IGLL5: variants seen among roughly 807,000 people sequenced by gnomAD.
The protein encoded by IGLL5 is immunoglobulin lambda-like polypeptide 5.
Under a neutral mutation model 20.9 loss-of-function variants are expected in IGLL5, and 30 were observed. That is an observed-to-expected ratio of 1.44 (90% CI 1.07 to 1.95). The LOEUF (loss-of-function observed/expected upper bound fraction) is 1.95. Among genes scored for constraint, IGLL5 ranks in the 30% most tolerant of loss-of-function variants. The pLI, the probability that IGLL5 is intolerant of heterozygous loss-of-function variation, is 0.00. For synonymous variants in IGLL5, 203 were observed against 117.3 expected (o/e 1.73, Z -4.72); for missense variants, 475 against 270.7 (o/e 1.75, Z -5.30).
At position 22,895,743 on chromosome 22, in the gene IGLL5, A is replaced by G. The variant is rs747851983; in HGVS notation, c.*49A>G. 6.3e-7 allele frequency: 1 copy of G among 1,578,550 alleles called. No homozygotes were observed. Among genetic ancestry groups the G allele is most frequent in the Non-Finnish European group, 8.7e-7 (1 of 1,148,538 alleles). On this transcript the variant is annotated 3_prime_UTR_variant, in exon 3 of 3. Coordinates refer to ENST00000526893, the MANE Select transcript of IGLL5 (RefSeq NM_001178126.2). ...CGGGAGCCTGGAGCTGCAGGATCCC[A>G]GGGGAGGGGTCTCTCTCCCCATCCC...
At chr22:22,888,672 G>C (rs545845316) in intron 1 of IGLL5, among the ~76,000 whole-genome samples, 2 of 151,284 alleles carry the variant, frequency 1.3e-5, no homozygotes, top group East Asian at 2.0e-4. Flanking sequence ...CCCAGTGAGG[G>C]CAGGGGCCAC....
chr22:22,889,445 G>C, intron 1 of IGLL5, among the ~76,000 whole-genome samples: 1 of 151,304 alleles, frequency 6.6e-6, no homozygotes, highest in East Asian at 2.0e-4. Flanking sequence ...TATCCTAAGG[G>C]TTGGTTGGGG....
chr22:22,889,057 G>C (rs1302104246), intron 1 of IGLL5, among the ~76,000 whole-genome samples: 1 of 151,396 alleles, frequency 6.6e-6, no homozygotes, highest in Admixed American at 6.6e-5. Flanking sequence ...TCCAGGACGA[G>C]TCCTTGGATG....
intron 2 of IGLL5, among the ~76,000 whole-genome samples, chr22:22,894,160 C>G (rs550825444): frequency 2.6e-5 from 4 of 151,516 alleles, no homozygotes; most frequent in South Asian, 2.1e-4. Context: ...CCAGTGACTC[C>G]TGGGGTCAAG....
At chr22:22,888,439 G>T (rs117426305) in intron 1 of IGLL5, among the ~76,000 whole-genome samples, 180 bp downstream of exon 1, 3 of 151,378 alleles carry the variant, frequency 2.0e-5, no homozygotes, top group South Asian at 2.1e-4. Context: ...TTGAATTACT[G>T]TTTTTAATAT....
intron 1 of IGLL5, among the ~76,000 whole-genome samples, chr22:22,890,420 C>T (rs1408498802): frequency 6.6e-6 from 1 of 150,454 alleles, no homozygotes; most frequent in Non-Finnish European, 1.5e-5. Context: ...CTATTATTGA[C>T]ACTTTCTGTA....
At chr22:22,889,494 T>C (rs2067725714) in intron 1 of IGLL5, among the ~76,000 whole-genome samples, 3 of 151,088 alleles carry the variant, frequency 2.0e-5, no homozygotes, top group East Asian at 2.0e-4. Flanking sequence ...ATAACAAGGG[T>C]GGTTAGCTCA....
At chr22:22,894,895 A>T (rs2066706374) in intron 2 of IGLL5, among the ~76,000 whole-genome samples, 1 of 151,230 alleles carries the variant, frequency 6.6e-6, no homozygotes, top group African/African-American at 2.4e-5. Flanking sequence ...CTCCAGTTCA[A>T]AGCAGGCTTG....
At chr22:22,888,893 T>A (rs1273737635) in intron 1 of IGLL5, among the ~76,000 whole-genome samples, 1 of 151,344 alleles carries the variant, frequency 6.6e-6, no homozygotes, top group Admixed American at 6.6e-5. Flanking sequence ...ATGCCCAGGC[T>A]GGTCTCACAG....
At chr22:22,888,372 G>C (rs561261832) in intron 1 of IGLL5, 113 bp downstream of exon 1, 1 of 927,600 alleles carries the variant, frequency 1.1e-6, no homozygotes, top group Non-Finnish European at 1.6e-6. Flanking sequence ...CCTAAGAGGG[G>C]CCTGGGCTGA....
chr22:22,891,829 A>G (rs542833738), intron 1 of IGLL5, among the ~76,000 whole-genome samples: 48 of 151,364 alleles, frequency 3.2e-4, no homozygotes, highest in African/African-American at 9.4e-4. Flanking sequence ...GAACCCTATT[A>G]ACTTTTCTAT....
At chr22:22,889,171 G>A (rs1431639147) in intron 1 of IGLL5, among the ~76,000 whole-genome samples, 2 of 151,198 alleles carry the variant, frequency 1.3e-5, no homozygotes, top group East Asian at 2.0e-4. Flanking sequence ...AGGAGAGGGG[G>A]TGATGGCCAA....
At chr22:22,894,718 C>T (rs1309320168) in intron 2 of IGLL5, among the ~76,000 whole-genome samples, 1 of 151,376 alleles carries the variant, frequency 6.6e-6, no homozygotes, top group Non-Finnish European at 1.5e-5. Flanking sequence ...GGGAGCAGCC[C>T]CAGGAACAGC....
intron 2 of IGLL5, among the ~76,000 whole-genome samples, chr22:22,894,992 G>A (rs2066714438): frequency 6.6e-6 from 1 of 151,496 alleles, no homozygotes; most frequent in South Asian, 2.1e-4. Context: ...GGTCCTGGAA[G>A]AATAAAGTGG....
chr22:22,889,448 G>C (rs566754728), intron 1 of IGLL5, among the ~76,000 whole-genome samples: 2 of 151,320 alleles, frequency 1.3e-5, no homozygotes, highest in East Asian at 2.0e-4. Flanking sequence ...CCTAAGGGTT[G>C]GTTGGGGGAA....
At chr22:22,894,419 G>A (rs1601626207) in intron 2 of IGLL5, among the ~76,000 whole-genome samples, 1 of 151,486 alleles carries the variant, frequency 6.6e-6, no homozygotes, top group African/African-American at 2.4e-5. Flanking sequence ...AGGGACGGGT[G>A]AGACTGGGTG....
intron 1 of IGLL5, among the ~76,000 whole-genome samples, chr22:22,888,553 G>T (rs1601602011): frequency 6.6e-6 from 1 of 151,414 alleles, no homozygotes; most frequent in African/African-American, 2.4e-5. Context: ...TCTGGGTAGG[G>T]AAGGAACAGA....
chr22:22,894,612 T>A (rs753989556), intron 2 of IGLL5, among the ~76,000 whole-genome samples: 1 of 150,662 alleles, frequency 6.6e-6, no homozygotes, highest in South Asian at 2.1e-4. Context: ...GGGGAGTGAA[T>A]GAGGGGTGCA....
In IGLL5 at chr22:22,887,942, A is replaced by G. The variant is rs2067554133; in HGVS notation, c.-112A>G. ...GCCAGTCCAGGGAGAGGACAGAGCCAATGGACTGGGGTGTACTGTAACAGC... is the reference window on the plus strand; with the variant it reads ...GCCAGTCCAGGGAGAGGACAGAGCCGATGGACTGGGGTGTACTGTAACAGC... On this transcript the variant is annotated 5_prime_UTR_variant, in exon 1 of 3. Coordinates refer to ENST00000526893, the MANE Select transcript of IGLL5 (RefSeq NM_001178126.2). 1.2e-6 allele frequency: 1 copy of G among 851,776 alleles called. No homozygotes were observed. Among genetic ancestry groups the G allele is most frequent in the African/African-American group, 1.7e-5 (1 of 59,466 alleles). 52.8% of individuals were successfully genotyped at this position (851,776 alleles called of 1,614,324 possible).
Sources: allele counts gnomAD v4.1 joint callset (sites outside exome capture counted in the v4.1 genomes callset), GRCh38; gene constraint gnomAD v4.1.1; transcripts MANE v1.5; gene names NCBI Gene and HGNC (gene_info 2026-07-23, HGNC 2026-07-21).